The following MTMR7 variants were observed in gnomAD, a reference collection of about 807,000 sequenced individuals.
MTMR7 encodes the protein phosphatidylinositol-3-phosphate phosphatase MTMR7.
MTMR7 carries 76 observed loss-of-function variants against 81.2 expected under a neutral mutation model. The observed-to-expected ratio is 0.94, with a 90% CI of 0.78 to 1.13. MTMR7 has a LOEUF of 1.13. Among genes scored for constraint, MTMR7 ranks in the 50% most tolerant of loss-of-function variants. The pLI, the probability that MTMR7 is intolerant of heterozygous loss-of-function variation, is 0.00. For missense variants in MTMR7, 1,044 were observed against 820.0 expected (o/e 1.27, Z -3.34); for synonymous variants, 372 against 289.8 (o/e 1.28, Z -2.88).
At chr8:17,316,228 G>C (rs1361035215) in intron 7 of MTMR7, among the ~76,000 whole-genome samples, 28 of 151,784 alleles carry the variant, frequency 1.8e-4, no homozygotes, top group Admixed American at 1.8e-3. Flanking sequence ...TATTATTTAT[G>C]TTAGCCCTTA....
chr8:17,299,944 G>A lies in MTMR7; in HGVS notation c.1901C>T (p.Ser634Phe). The A allele has an allele frequency of 1.2e-6, 2 of 1,614,136 alleles. No individual in the cohort carries two copies. The highest frequency in any genetic ancestry group is 1.7e-6 in the Non-Finnish European group (2 of 1,180,000). ...ESGVEDLSCR[S>F]PSGGEHAPSE... is the part of the protein sequence containing the mutation. ...CGGTGCATGCTCACCACCACTTGGAGACCGACAGCTCAAATCCTCCACCCC... is the reference window on the plus strand; with the variant it reads ...CGGTGCATGCTCACCACCACTTGGAAACCGACAGCTCAAATCCTCCACCCC... Residue 634 changes from serine (S) to phenylalanine (F), a missense_variant, in exon 14 of 14, where the codon TCT becomes TTT. Coordinates refer to ENST00000180173, the MANE Select transcript of MTMR7 (RefSeq NM_004686.5).
chr8:17,331,056 T>C (rs1024752421), intron 7 of MTMR7, 94 bp downstream of exon 7: 6 of 1,437,740 alleles, frequency 4.2e-6, no homozygotes, highest in Admixed American at 2.3e-5. Context: ...ATCACACCTA[T>C]GTAAAAACAT....
intron 3 of MTMR7, among the ~76,000 whole-genome samples, chr8:17,366,638 G>A (rs921873899): frequency 5.3e-5 from 8 of 152,160 alleles, no homozygotes; most frequent in Non-Finnish European, 1.0e-4. Flanking sequence ...TGTAATCCCA[G>A]CACTTTGGGA....
At chr8:17,384,127 T>C (rs1364224911) in intron 1 of MTMR7, among the ~76,000 whole-genome samples, 1 of 152,156 alleles carries the variant, frequency 6.6e-6, no homozygotes, top group Non-Finnish European at 1.5e-5. Flanking sequence ...ATAATTGTTA[T>C]TGGCTGGGCA....
chr8:17,316,232 G>C (rs748242937), intron 7 of MTMR7, among the ~76,000 whole-genome samples: 1 of 151,786 alleles, frequency 6.6e-6, no homozygotes, highest in South Asian at 2.1e-4. Context: ...ATTTATGTTA[G>C]CCCTTATTAC....
At chr8:17,395,548 G>T (rs183469747) in intron 1 of MTMR7, among the ~76,000 whole-genome samples, 3 of 152,244 alleles carry the variant, frequency 2.0e-5, no homozygotes, top group African/African-American at 7.2e-5. Context: ...AATGCACAAG[G>T]GTTCCAATTT....
chr8:17,311,467 G>A, intron 9 of MTMR7, 44 bp downstream of exon 9: 1 of 1,612,910 alleles, frequency 6.2e-7, no homozygotes, highest in Non-Finnish European at 8.5e-7. Flanking sequence ...GTCCATTCCT[G>A]GTCAAGGCAC....
chr8:17,346,025 T>C (rs1432821850), intron 5 of MTMR7: 1 of 152,204 alleles, frequency 6.6e-6, no homozygotes, highest in African/African-American at 2.4e-5. Context: ...TGTTTACTTT[T>C]TGTGGGAGAC....
chr8:17,400,528 C>T (rs1213795537), intron 1 of MTMR7, among the ~76,000 whole-genome samples: 3 of 152,198 alleles, frequency 2.0e-5, no homozygotes, highest in African/African-American at 7.2e-5. Flanking sequence ...GTCCTGTGTG[C>T]TTCCCTGCCT....
intron 1 of MTMR7, among the ~76,000 whole-genome samples, chr8:17,406,916 T>G (rs187089618): frequency 2.5e-3 from 382 of 152,160 alleles, no homozygotes; most frequent in Admixed American, 7.5e-3. Context: ...CAAACATATA[T>G]AGAGACAGAA....
chr8:17,351,029 G>C (rs546239496), intron 4 of MTMR7, among the ~76,000 whole-genome samples: 1 of 152,172 alleles, frequency 6.6e-6, no homozygotes, highest in Non-Finnish European at 1.5e-5. Flanking sequence ...TCTGGTGTCT[G>C]AACCTCCATG....
At chr8:17,302,046 A>G in intron 13 of MTMR7, 108 bp downstream of exon 13, 1 of 1,460,290 alleles carries the variant, frequency 6.8e-7, no homozygotes, top group South Asian at 1.2e-5. Flanking sequence ...TCTACTGACT[A>G]AAAATGTGAA....
intron 1 of MTMR7, among the ~76,000 whole-genome samples, chr8:17,385,522 T>C (rs370009579): frequency 1.3e-5 from 2 of 152,188 alleles, no homozygotes; most frequent in East Asian, 3.9e-4. Context: ...CTCTTTGCTC[T>C]GCCTTCGTCT....
intron 6 of MTMR7, among the ~76,000 whole-genome samples, chr8:17,337,813 C>T (rs1819294374): frequency 6.6e-6 from 1 of 152,112 alleles, no homozygotes; most frequent in Non-Finnish European, 1.5e-5. Flanking sequence ...AGATGGGGGT[C>T]TCACTACGTT....
intron 3 of MTMR7, among the ~76,000 whole-genome samples, chr8:17,367,716 G>A (rs1820271923): frequency 6.6e-6 from 1 of 152,078 alleles, no homozygotes; most frequent in South Asian, 2.1e-4. Flanking sequence ...ATTTTAAGTT[G>A]CCTGAATTCA....
intron 1 of MTMR7, among the ~76,000 whole-genome samples, chr8:17,377,252 T>C (rs954837381): frequency 2.0e-5 from 3 of 152,140 alleles, no homozygotes; most frequent in Non-Finnish European, 4.4e-5. Flanking sequence ...CAACTTCTTA[T>C]GTGGTTACAG....
chr8:17,379,871 T>C (rs746407577), intron 1 of MTMR7, among the ~76,000 whole-genome samples: 8 of 152,190 alleles, frequency 5.3e-5, no homozygotes, highest in Non-Finnish European at 1.0e-4. Context: ...AAATCTAATC[T>C]AAACTGTCTG....
chr8:17,298,780 A>G lies in MTMR7; in HGVS notation c.*1082T>C, dbSNP rs1202312103. On this transcript the variant is annotated 3_prime_UTR_variant, in exon 14 of 14. Transcript: ENST00000180173. Reference sequence around the variant, plus strand: ...TGAAGTCTTTTTTAACTCATAAGATAGGGGAGGGACTCTCCCTTAAATGTG... The same window carrying G: ...TGAAGTCTTTTTTAACTCATAAGATGGGGGAGGGACTCTCCCTTAAATGTG... 2.0e-5 allele frequency: 3 copies of G among 152,596 alleles called. No individual in the cohort carries two copies. The highest frequency in any genetic ancestry group is 1.3e-4 in the Admixed American group (2 of 15,268). The allele number at this position is 152,596 out of a possible 1,614,324, so 9.5% of individuals were successfully genotyped here. A position where few individuals can be genotyped will look rare whatever the true frequency, so the allele number is the denominator to read the frequency against.
chr8:17,384,801 G>T (rs559444461), intron 1 of MTMR7, among the ~76,000 whole-genome samples: 1 of 152,164 alleles, frequency 6.6e-6, no homozygotes, highest in Non-Finnish European at 1.5e-5. Flanking sequence ...AATAAAGAAC[G>T]TCAACTGTTT....
Sources: gnomAD v4.1 joint callset for allele counts (sites outside exome capture counted in the v4.1 genomes callset) on GRCh38, gnomAD v4.1.1 for gene constraint, MANE v1.5 for transcripts, NCBI Gene and HGNC (gene_info 2026-07-23, HGNC 2026-07-21) for gene names.